The following HNRNPM variants were observed in gnomAD, a reference collection of about 807,000 sequenced individuals.
HNRNPM encodes the protein CEA receptor.
Under a neutral mutation model 73.1 loss-of-function variants are expected in HNRNPM, and 11 were observed. That is an observed-to-expected ratio of 0.15 (90% CI 0.09 to 0.25). The LOEUF (loss-of-function observed/expected upper bound fraction) is 0.25. Ranked by LOEUF, HNRNPM falls within the 10% of genes least tolerant of loss-of-function variation. HNRNPM has a pLI of 1.00. For missense variants in HNRNPM, 789 were observed against 1,067.9 expected, an observed-to-expected ratio of 0.74 and a Z score of 3.64; for synonymous variants, 407 against 355.2, an observed-to-expected ratio of 1.15 and a Z score of -1.64.
chr19:8,482,149 G>C (rs1970966991), intron 12 of HNRNPM, among the ~76,000 whole-genome samples: 1 of 152,020 alleles, frequency 6.6e-6, no homozygotes, highest in African/African-American at 2.4e-5. Context: ...ATTTTTAGTA[G>C]AGACGGGGTT....
chr19:8,465,828 G>T (rs999146821), intron 6 of HNRNPM, among the ~76,000 whole-genome samples: 5 of 152,122 alleles, frequency 3.3e-5, no homozygotes, highest in Non-Finnish European at 7.3e-5. Context: ...GAGCAGAAGT[G>T]CACTGACACC....
At position 8,475,905 on chromosome 19, in the gene HNRNPM, C is replaced by CT. The variant is rs71175865; in HGVS notation, c.1120+1685dup. On this transcript the variant is annotated intron_variant, in intron 12 of 15. Coordinates refer to ENST00000325495, the MANE Select transcript of HNRNPM (RefSeq NM_005968.5). Reference sequence around the variant, plus strand: ...CAACACTGCGAAACCCCATCTCTCTCTTTTTTTTTTTTTTTTTTTTTTTTA... The same window carrying CT: ...CAACACTGCGAAACCCCATCTCTCTCTTTTTTTTTTTTTTTTTTTTTTTTTA... Among the ~76,000 whole-genome samples, 340 of 114,364 alleles carry CT rather than the reference C, an allele frequency of 3.0e-3. 5 individuals carry two copies. The highest frequency in any genetic ancestry group is 9.3e-3 in the African/African-American group (284 of 30,524). The allele number at this position is 114,364 out of a possible 152,430, so 75.0% of individuals were successfully genotyped here.
intron 1 of HNRNPM, among the ~76,000 whole-genome samples, chr19:8,446,556 C>T (rs1041059496): frequency 6.6e-6 from 1 of 152,054 alleles, no homozygotes; most frequent in African/African-American, 2.4e-5. Context: ...ATCACAGGCG[C>T]GGCACCACCA....
Position 8,487,039 on chromosome 19 carries a change from A to T in HNRNPM, c.1993A>T (p.Thr665Ser), listed in dbSNP as rs1181879122. Residue 665 changes from threonine to serine, a missense_variant, in exon 15 of 16, where the codon ACA (threonine) becomes TCA (serine). Physicochemically the swap from Thr to Ser is moderately conservative, Grantham distance 58 (BLOSUM62 1). Transcript: ENST00000325495. ...TCCCCTTCAGCTGCCATTCGATTTC[A>T]CATGGAAGATGCTAAAGGACAAATT... The part of the protein sequence containing the change: ...IFVRNLPFDF[T>S]WKMLKDKFNE... 1 of 1,613,830 alleles carries T rather than the reference A, an allele frequency of 6.2e-7. No homozygotes were observed.
chr19:8,486,719 T>C (rs1159180959), intron 14 of HNRNPM, among the ~76,000 whole-genome samples: 1 of 152,166 alleles, frequency 6.6e-6, no homozygotes, highest in Non-Finnish European at 1.5e-5. Context: ...TGTAACGGAA[T>C]TATTTTCCCC....
Position 8,473,637 on chromosome 19 carries a change from A to T in HNRNPM, c.998-27A>T, listed in dbSNP as rs770537227. The T allele has an allele frequency of 1.5e-5, 21 of 1,442,138 alleles. No individual in the cohort carries two copies. In the South Asian group the frequency reaches 2.5e-4, roughly 17 times the overall value. 89.3% of individuals were successfully genotyped at this position (1,442,138 alleles called of 1,614,324 possible). A position where few individuals can be genotyped will look rare whatever the true frequency, so the allele number is the denominator to read the frequency against. ...TTATTTACTGCTTTGACATAATTTT[A>T]GTTTGCATTGACTTTTTCTTTTTAA... On this transcript the variant is annotated intron_variant, in intron 10 of 15. Coordinates refer to ENST00000325495, the MANE Select transcript of HNRNPM (RefSeq NM_005968.5).
Position 8,487,017 on chromosome 19 carries a change from C to T in HNRNPM, c.1978-7C>T, listed in dbSNP as rs1444061463. On this transcript the variant is annotated splice_region_variant and splice_polypyrimidine_tract_variant and intron_variant, in intron 14 of 15. Coordinates refer to ENST00000325495, the MANE Select transcript of HNRNPM (RefSeq NM_005968.5). ...CGCATCAGTCTCCCTTTTCTTCTCC[C>T]CTTCAGCTGCCATTCGATTTCACAT... 6.2e-7 allele frequency: 1 copy of T among 1,612,534 alleles called. No individual in the cohort carries two copies. The highest frequency in any genetic ancestry group is 8.5e-7 in the Non-Finnish European group (1 of 1,178,498).
intron 1 of HNRNPM, among the ~76,000 whole-genome samples, chr19:8,452,632 C>T (rs1353854023): frequency 6.6e-6 from 1 of 152,196 alleles, no homozygotes; most frequent in Non-Finnish European, 1.5e-5. Flanking sequence ...GCTGCCATAA[C>T]ATCACCTTAT....
chr19:8,455,409 G>A lies in HNRNPM; in HGVS notation c.118G>A (p.Gly40Arg). 9.3e-6 allele frequency: 15 copies of A among 1,611,598 alleles called. No homozygotes were observed. The highest frequency in any genetic ancestry group is 1.3e-5 in the Non-Finnish European group (15 of 1,179,210). ...GNGAPGPKGE[G>R]ERPAQNEKRK... is the part of the protein sequence containing the mutation. ...TTTCCTCTCTCTCGAATTCAGTGAA[G>A]GAGAACGACCTGCTCAGAATGAGAA... is the stretch of plus-strand genomic sequence containing the variant. Residue 40 changes from glycine to arginine, a missense_variant, in exon 2 of 16, where the codon GGA (glycine) becomes AGA (arginine). Physicochemically the swap from Gly to Arg is moderately radical, Grantham distance 125 (BLOSUM62 -2). Around this residue, in one of 4 missense-constraint regions of HNRNPM, gnomAD observed 79 missense variants for 70.7 expected, o/e 1.12. Transcript: ENST00000325495.
At chr19:8,472,961 A>G (rs574334826) in intron 10 of HNRNPM, among the ~76,000 whole-genome samples, 1 of 152,308 alleles carries the variant, frequency 6.6e-6, no homozygotes, top group East Asian at 1.9e-4. Flanking sequence ...AATGTGTCTT[A>G]TAATTCTATT....
At chr19:8,482,036 G>A (rs1812467) in intron 12 of HNRNPM, among the ~76,000 whole-genome samples, 40,146 of 146,080 alleles carry the variant, frequency 0.27, 6,327 homozygotes, top group South Asian at 0.41. Context: ...GCAGTGGCAC[G>A]ATCTCGGCTC....
chr19:8,462,898 G>T lies in HNRNPM; in HGVS notation c.336+317G>T, dbSNP rs1394759182. ...AATTATGCATGGAATTTTAGCGGTG[G>T]TATAATTAATGTAAAACGTGTGTTC... On this transcript the variant is annotated intron_variant, in intron 3 of 15. Transcript: ENST00000325495. The surrounding 1 kb of genome is among the most constrained non-coding windows in gnomAD (Gnocchi z 4.5). Among the ~76,000 whole-genome samples the T allele has an allele frequency of 6.6e-6, 1 of 152,174 alleles. No homozygotes were observed. Among genetic ancestry groups the T allele is most frequent in the African/African-American group, 2.4e-5 (1 of 41,418 alleles).
intron 1 of HNRNPM, among the ~76,000 whole-genome samples, chr19:8,447,365 T>C (rs574769842): frequency 9.9e-5 from 15 of 152,170 alleles, no homozygotes; most frequent in Admixed American, 2.0e-4. Context: ...TTGTATGTTA[T>C]GTATGTTATG....
chr19:8,451,580 C>A (rs1467730738), intron 1 of HNRNPM, among the ~76,000 whole-genome samples: 1 of 152,170 alleles, frequency 6.6e-6, no homozygotes, highest in Non-Finnish European at 1.5e-5. Flanking sequence ...GCTGTTACCC[C>A]CGGCTGGAGT....
At chr19:8,470,838 T>C (rs796778074) in intron 9 of HNRNPM, among the ~76,000 whole-genome samples, 1 of 152,304 alleles carries the variant, frequency 6.6e-6, no homozygotes, top group African/African-American at 2.4e-5. Flanking sequence ...ATAGGTTCTT[T>C]GAATACATAC....
In HNRNPM at chr19:8,471,312, T is replaced by C; in HGVS notation, c.896-14T>C. The C allele has an allele frequency of 6.6e-7, 1 of 1,520,182 alleles. No individual in the cohort carries two copies. The highest frequency in any genetic ancestry group is 8.9e-7 in the Non-Finnish European group (1 of 1,121,712). The allele number at this position is 1,520,182 out of a possible 1,614,324, so 94.2% of individuals were successfully genotyped here. A position where few individuals can be genotyped will look rare whatever the true frequency, so the allele number is the denominator to read the frequency against. ...AATAGGGGAAAACTAAGCTTCTTTC[T>C]CTTTTCTTTCCAGATGGCCTTGGTG... On this transcript the variant is annotated splice_polypyrimidine_tract_variant and intron_variant, in intron 9 of 15. Transcript: ENST00000325495.
rs538191491 is a variant in HNRNPM, at chr19:8,484,200, G to A, written c.1174+989G>A. Among the ~76,000 whole-genome samples, 370 of 142,420 alleles carry A rather than the reference G, an allele frequency of 2.6e-3. 1 individual carries two copies. Among genetic ancestry groups the A allele is most frequent in the Non-Finnish European group, 4.0e-3 (263 of 65,702 alleles). 93.4% of individuals were successfully genotyped at this position (142,420 alleles called of 152,430 possible). A position where few individuals can be genotyped will look rare whatever the true frequency, so the allele number is the denominator to read the frequency against. On this transcript the variant is annotated intron_variant, in intron 13 of 15. Coordinates refer to ENST00000325495, the MANE Select transcript of HNRNPM (RefSeq NM_005968.5). The stretch of plus-strand genomic sequence containing the variant: ...TTTTTTTTTTTTTTTTTTGAGAGAC[G>A]GAGTCTCACTCTGTCGCCCAGGCTA...
chr19:8,467,645 A>C, intron 8 of HNRNPM, 61 bp downstream of exon 8: 1 of 1,172,208 alleles, frequency 8.5e-7, no homozygotes, highest in Non-Finnish European at 1.3e-6. Context: ...TGGAATTAAT[A>C]AGAGTGTACA....
At position 8,467,570 on chromosome 19, in the gene HNRNPM, A is replaced by G. The variant is rs748199100; in HGVS notation, c.820A>G (p.Met274Val). 9.9e-6 allele frequency: 16 copies of G among 1,611,362 alleles called. No homozygotes were observed. Among genetic ancestry groups the G allele is most frequent in the East Asian group, 4.5e-5 (2 of 44,858 alleles). ...FNGQLLFDRP[M>V]HVKMDERALP... ...TGGCCAGCTGCTATTTGATAGACCA[A>G]TGCACGTCAAGATGGTAAGTCAGTA... The change falls in exon 8 of 16, where the codon ATG becomes GTG. Residue 274 changes from methionine to valine, a missense_variant. Coordinates refer to ENST00000325495, the MANE Select transcript of HNRNPM (RefSeq NM_005968.5).
Sources: gnomAD v4.1 joint callset for allele counts (sites outside exome capture counted in the v4.1 genomes callset) on GRCh38, gnomAD v4.1.1 for gene constraint, gnomAD v4.1.1 regional missense constraint, Gnocchi (gnomAD v3.1) non-coding constraint, MANE v1.5 for transcripts, NCBI Gene and HGNC (gene_info 2026-07-23, HGNC 2026-07-21) for gene names.